CHAF1B: variants seen among roughly 807,000 people sequenced by gnomAD.
CHAF1B encodes the protein CAF-1 subunit B.
In CHAF1B, 10 loss-of-function variants were observed where a neutral mutation model predicts 60.7. The ratio of observed to expected loss-of-function variants is 0.16; its 90% CI spans 0.10 to 0.28. CHAF1B has a LOEUF of 0.28. Among genes scored for constraint, CHAF1B ranks in the 10% least tolerant of loss-of-function variants. The probability of loss-of-function intolerance (pLI) is 1.00; values close to 1 mark genes in which losing one functional copy is unlikely to be tolerated. For synonymous variants in CHAF1B, 261 were observed against 266.1 expected (o/e 0.98, Z 0.19); for missense variants, 558 against 708.4 (o/e 0.79, Z 2.41).
chr21:36,402,966 C>T, intron 8 of CHAF1B, 115 bp downstream of exon 8: 2 of 803,024 alleles, frequency 2.5e-6, no homozygotes, highest in Non-Finnish European at 4.1e-6. Context: ...GGGTCCCCGA[C>T]TTACCTGCCC....
At position 36,391,495 on chromosome 21, in the gene CHAF1B, C is replaced by T. The variant is rs114867967; in HGVS notation, c.260-56C>T. The T allele has an allele frequency of 1.3e-5, 13 of 1,036,076 alleles. No individual in the cohort carries two copies. The Admixed American group carries it at 2.7e-4, about 22-fold the overall frequency. 64.2% of individuals were successfully genotyped at this position (1,036,076 alleles called of 1,614,324 possible). ...AAAAAAAAAAATGAAAATAAAAATC[C>T]TAATATGAAGGAGTGTGGGTGAAGC... On this transcript the variant is annotated intron_variant, in intron 3 of 13. Transcript: ENST00000314103.
chr21:36,411,217 G>A (rs529166046), intron 10 of CHAF1B, among the ~76,000 whole-genome samples: 135 of 151,346 alleles, frequency 8.9e-4, no homozygotes, highest in African/African-American at 3.2e-3. Context: ...GGGTTCAAGC[G>A]ATTCTCCTGT....
Position 36,387,976 on chromosome 21 carries a change from G to A in CHAF1B, c.259+246G>A, listed in dbSNP as rs188110644. ...TGGGATTACAGGCGCCTGCCACCAC[G>A]CCCGGCTAGTTTTTTTGTGTGTTTT... is the stretch of plus-strand genomic sequence containing the variant. On this transcript the variant is annotated intron_variant, in intron 3 of 13. Transcript: ENST00000314103. 3.3e-4 allele frequency among the ~76,000 whole-genome samples: 50 copies of A among 151,604 alleles called. 1 individual carries two copies. In the East Asian group the frequency reaches 6.8e-3, roughly 21 times the overall value.
At position 36,396,358 on chromosome 21, in the gene CHAF1B, C is replaced by CAAAAAAAA. The variant is rs777079304; in HGVS notation, c.482-1039_482-1032dup. Among the ~76,000 whole-genome samples, 237 of 52,834 alleles carry CAAAAAAAA rather than the reference C, an allele frequency of 4.5e-3. 9 individuals carry two copies. Among genetic ancestry groups the CAAAAAAAA allele is most frequent in the African/African-American group, 0.011 (162 of 14,574 alleles). 34.7% of individuals were successfully genotyped at this position (52,834 alleles called of 152,430 possible). ...TGTTACTGAACCTCACCAAAAACCT[C>CAAAAAAAA]AAAAAAAAAAAAAAAAAAAAAAAAA... On this transcript the variant is annotated intron_variant, in intron 5 of 13. Coordinates refer to ENST00000314103, the MANE Select transcript of CHAF1B (RefSeq NM_005441.3).
intron 7 of CHAF1B, among the ~76,000 whole-genome samples, chr21:36,402,309 A>T (rs1394080183): frequency 6.6e-6 from 1 of 152,100 alleles, no homozygotes; most frequent in Non-Finnish European, 1.5e-5. Context: ...GAGACTCTGT[A>T]TCTAAAGAGT....
In CHAF1B at chr21:36,409,859, T is replaced by G. The variant is rs191115896; in HGVS notation, c.919+394T>G. Among the ~76,000 whole-genome samples, 975 of 151,988 alleles carry G rather than the reference T, an allele frequency of 6.4e-3. 9 individuals carry two copies. The highest frequency in any genetic ancestry group is 0.023 in the African/African-American group (937 of 41,498). On this transcript the variant is annotated intron_variant, in intron 10 of 13. Transcript: ENST00000314103. ...GGGTTATCAAAATACATGTCAGTTTTTTTTTTTTTTTCTTTCTTCAGGATA... is the reference window on the plus strand; with the variant it reads ...GGGTTATCAAAATACATGTCAGTTTGTTTTTTTTTTTCTTTCTTCAGGATA...
chr21:36,406,407 T>G lies in CHAF1B; in HGVS notation c.758-2354T>G, dbSNP rs542635972. 1.8e-3 allele frequency among the ~76,000 whole-genome samples: 270 copies of G among 152,300 alleles called. 1 individual carries two copies. The highest frequency in any genetic ancestry group is 6.8e-3 in the Middle Eastern group (2 of 294). ...TTCAAGTGATTCTTCTGCCTCAGCCTCCCAAGTAGCTGGGATTACAGGCGC... is the reference window on the plus strand; with the variant it reads ...TTCAAGTGATTCTTCTGCCTCAGCCGCCCAAGTAGCTGGGATTACAGGCGC... On this transcript the variant is annotated intron_variant, in intron 8 of 13. Transcript: ENST00000314103.
At chr21:36,391,877 T>A (rs1026228102) in intron 4 of CHAF1B, among the ~76,000 whole-genome samples, 3 of 148,888 alleles carry the variant, frequency 2.0e-5, no homozygotes, top group African/African-American at 7.4e-5. Context: ...GGACTACAGG[T>A]GCATGCTACC....
chr21:36,391,418 T>G (rs943925393), intron 3 of CHAF1B, 133 bp from the exon 4 acceptor site: 8 of 488,614 alleles, frequency 1.6e-5, no homozygotes, highest in Admixed American at 3.3e-5. Context: ...GAGCCAAGAT[T>G]GCGCCACTGC....
chr21:36,416,883 G>A lies in CHAF1B; in HGVS notation c.*517G>A, dbSNP rs2086323937. ...CGATGCTTATTCTTTTAGTAACTAA[G>A]TGAAGTGAAAAAGATGGGTATCACC... On this transcript the variant is annotated 3_prime_UTR_variant, in exon 14 of 14. Coordinates refer to ENST00000314103, the MANE Select transcript of CHAF1B (RefSeq NM_005441.3). 6.6e-6 allele frequency: 1 copy of A among 152,180 alleles called. No individual in the cohort carries two copies. Among genetic ancestry groups the A allele is most frequent in the Non-Finnish European group, 1.5e-5 (1 of 68,054 alleles). 9.4% of individuals were successfully genotyped at this position (152,180 alleles called of 1,614,324 possible). A position where few individuals can be genotyped will look rare whatever the true frequency, so the allele number is the denominator to read the frequency against.
rs187251447 is a variant in CHAF1B, at chr21:36,391,150, G to C, written c.260-401G>C. Among the ~76,000 whole-genome samples, 5 of 152,250 alleles carry C rather than the reference G, an allele frequency of 3.3e-5. No individual in the cohort carries two copies. The East Asian group carries it at 9.6e-4, about 29-fold the overall frequency. On this transcript the variant is annotated intron_variant, in intron 3 of 13. Coordinates refer to ENST00000314103, the MANE Select transcript of CHAF1B (RefSeq NM_005441.3). ...AGTCATTTTGCAGTGGCATTTGCTG[G>C]CCTAGGGACCCTTCTGTTTAAGGTG...
chr21:36,414,359 A>T (rs1357098086), intron 12 of CHAF1B, among the ~76,000 whole-genome samples: 5 of 152,210 alleles, frequency 3.3e-5, no homozygotes, highest in Non-Finnish European at 7.3e-5. Flanking sequence ...CTTCTTTGGC[A>T]AGTTCATAAT....
At chr21:36,409,799 G>A (rs1388048603) in intron 10 of CHAF1B, among the ~76,000 whole-genome samples, 1 of 150,792 alleles carries the variant, frequency 6.6e-6, no homozygotes, top group Non-Finnish European at 1.5e-5. Context: ...TGCCCGGCCT[G>A]GTTTAGTTAT....
In CHAF1B at chr21:36,385,404, G is replaced by A. The variant is rs766514273; in HGVS notation, c.-125G>A. The stretch of plus-strand genomic sequence containing the variant: ...GCCTGCGGCGCGCGGGAAGCGGCGC[G>A]CGCTGCGCGGGAGGTGACGGTGCCT... On this transcript the variant is annotated 5_prime_UTR_variant, in exon 1 of 14. Coordinates refer to ENST00000314103, the MANE Select transcript of CHAF1B (RefSeq NM_005441.3). 2.0e-5 allele frequency: 3 copies of A among 152,134 alleles called. No homozygotes were observed. Among genetic ancestry groups the A allele is most frequent in the Admixed American group, 1.3e-4 (2 of 15,272 alleles). 9.4% of individuals were successfully genotyped at this position (152,134 alleles called of 1,614,324 possible).
chr21:36,396,358 CAAAAAAAAAA>C (rs777079304), intron 5 of CHAF1B, among the ~76,000 whole-genome samples: 816 of 52,876 alleles, frequency 0.015, 19 homozygotes, highest in African/African-American at 0.053. Flanking sequence ...CCAAAAACCT[CAAAAAAAAAA>C]AAAAAAAAAA....
intron 3 of CHAF1B, among the ~76,000 whole-genome samples, chr21:36,389,604 CA>C (rs745521824): frequency 0.018 from 1,289 of 73,490 alleles, 5 homozygotes; most frequent in African/African-American, 0.05. Flanking sequence ...GAGTCTGTCT[CA>C]AAAAAAAAAA....
At chr21:36,392,656 C>T (rs188921659) in intron 4 of CHAF1B, among the ~76,000 whole-genome samples, 4 of 147,126 alleles carry the variant, frequency 2.7e-5, no homozygotes, top group East Asian at 2.1e-4. Flanking sequence ...CCAGACGGGG[C>T]GGCTGCCGGG....
Position 36,409,476 on chromosome 21 carries a change from A to G in CHAF1B, c.919+11A>G. Reference sequence around the variant, plus strand: ...CAGTGGTGGAAACAGGTATCCTCAGAGCCTCAGGGGTGTGTTATGTTTTCT... The same window carrying G: ...CAGTGGTGGAAACAGGTATCCTCAGGGCCTCAGGGGTGTGTTATGTTTTCT... On this transcript the variant is annotated intron_variant, in intron 10 of 13. Transcript: ENST00000314103. 6.2e-7 allele frequency: 1 copy of G among 1,600,602 alleles called. No individual in the cohort carries two copies. The highest frequency in any genetic ancestry group is 8.6e-7 in the Non-Finnish European group (1 of 1,168,120).
rs1223126502 is a variant in CHAF1B, at chr21:36,409,367, C to G, written c.828-7C>G. 6.2e-7 allele frequency: 1 copy of G among 1,607,970 alleles called. No homozygotes were observed. Among genetic ancestry groups the G allele is most frequent in the East Asian group, 2.2e-5 (1 of 44,814 alleles). The stretch of plus-strand genomic sequence containing the variant: ...GCCTTTTCCTAACACTGCAATTAAT[C>G]CATTAGGCCCATCGCTCATCTTCCA... On this transcript the variant is annotated splice_polypyrimidine_tract_variant and splice_region_variant and intron_variant, in intron 9 of 13. Transcript: ENST00000314103.
Sources: gnomAD v4.1 joint callset for allele counts (sites outside exome capture counted in the v4.1 genomes callset) on GRCh38, gnomAD v4.1.1 for gene constraint, MANE v1.5 for transcripts, NCBI Gene and HGNC (gene_info 2026-07-23, HGNC 2026-07-21) for gene names.